FHOD3: variants seen among roughly 807,000 people sequenced by gnomAD.
The protein encoded by FHOD3 is FH1/FH2 domain-containing protein 3.
In FHOD3, 90 loss-of-function variants were observed where a neutral mutation model predicts 173.0. That is an observed-to-expected ratio of 0.52 (90% CI 0.44 to 0.62). The LOEUF is 0.62. FHOD3 is among the 20% of genes least tolerant of loss of function. The probability of loss-of-function intolerance (pLI) is 0.00; values close to 1 mark genes in which losing one functional copy is unlikely to be tolerated. For missense variants in FHOD3, 1,945 were observed against 2,034.7 expected, an observed-to-expected ratio of 0.96 and a Z score of 0.85; for synonymous variants, 828 against 823.0, an observed-to-expected ratio of 1.01 and a Z score of -0.10.
Position 36,504,722 on chromosome 18 carries a change from A to G in FHOD3, c.405+2723A>G, listed in dbSNP as rs2055212049. On this transcript the variant is annotated intron_variant, in intron 4 of 28. Coordinates refer to ENST00000590592, the MANE Select transcript of FHOD3 (RefSeq NM_001281740.3). Reference sequence around the variant, plus strand: ...ACTAACCTGCACATTGTGCACATGTACCCTAAAACTTATAGTAATAATAAT... The same window carrying G: ...ACTAACCTGCACATTGTGCACATGTGCCCTAAAACTTATAGTAATAATAAT... Among the ~76,000 whole-genome samples the G allele has an allele frequency of 2.6e-5, 4 of 152,014 alleles. No homozygotes were observed. The South Asian group carries it at 8.3e-4, about 32-fold the overall frequency.
At chr18:36,734,536 A>C (rs1183041324) in intron 20 of FHOD3, among the ~76,000 whole-genome samples, 4 of 151,948 alleles carry the variant, frequency 2.6e-5, no homozygotes, top group African/African-American at 9.7e-5. Context: ...TGAAGACTCC[A>C]GTCGAAACCC....
At chr18:36,309,389 G>T (rs541383254) in intron 1 of FHOD3, among the ~76,000 whole-genome samples, 1 of 152,316 alleles carries the variant, frequency 6.6e-6, no homozygotes, top group South Asian at 2.1e-4. Context: ...GAAAGGAGTG[G>T]TGGCTGCAGA....
In FHOD3 at chr18:36,625,730, GTGCGAGATC is replaced by G; in HGVS notation, c.1182_1190del (p.Asp395_Arg397del). Reference sequence around the variant, plus strand: ...AGCTCCCAGCTTCAAGCCCAACCAAGTGCGAGATCTGCGTGAAAAGTAAGCATTAACTTG... The same window carrying G: ...AGCTCCCAGCTTCAAGCCCAACCAAGTGCGTGAAAAGTAAGCATTAACTTG... On this transcript the variant is annotated inframe_deletion, in exon 10 of 29. Coordinates refer to ENST00000590592, the MANE Select transcript of FHOD3 (RefSeq NM_001281740.3). The G allele has an allele frequency of 6.2e-7, 1 of 1,608,562 alleles. No individual in the cohort carries two copies. The highest frequency in any genetic ancestry group is 1.7e-4 in the Middle Eastern group (1 of 6,036).
intron 28 of FHOD3, chr18:36,779,127 A>G (rs1338798556): frequency 5.5e-6 from 2 of 366,748 alleles, no homozygotes; most frequent in African/African-American, 4.1e-5. Flanking sequence ...TCTGCAGTTC[A>G]CCCCCTTCTC....
At chr18:36,674,763 G>A (rs1163973404) in intron 14 of FHOD3, among the ~76,000 whole-genome samples, 2 of 152,056 alleles carry the variant, frequency 1.3e-5, no homozygotes, top group Non-Finnish European at 2.9e-5. Flanking sequence ...GGGCAGCTCC[G>A]AGACTTCACA....
intron 16 of FHOD3, among the ~76,000 whole-genome samples, chr18:36,691,788 G>T (rs901766163): frequency 1.3e-5 from 2 of 152,220 alleles, no homozygotes; most frequent in South Asian, 4.1e-4. Flanking sequence ...GTGCCACTCT[G>T]CAGGCTTCTC....
chr18:36,732,389 A>C lies in FHOD3; in HGVS notation c.3576+1585A>C, dbSNP rs1287101539. On this transcript the variant is annotated intron_variant, in intron 20 of 28. Transcript: ENST00000590592. ...CTCAAGTAGCTCTACTCTGAGAAAC[A>C]TACACCCCCTGTTCCAGGAACAGGT... Among the ~76,000 whole-genome samples, 8 of 152,314 alleles carry C rather than the reference A, an allele frequency of 5.3e-5. No homozygotes were observed. In the East Asian group the frequency reaches 1.5e-3, roughly 29 times the overall value.
At chr18:36,481,831 C>T (rs577777355) in intron 3 of FHOD3, among the ~76,000 whole-genome samples, 6 of 152,018 alleles carry the variant, frequency 3.9e-5, no homozygotes, top group Non-Finnish European at 5.9e-5. Flanking sequence ...AAAGTCTTTG[C>T]ACTATTGAAT....
chr18:36,569,657 C>T (rs983297351), intron 5 of FHOD3, among the ~76,000 whole-genome samples: 17 of 152,208 alleles, frequency 1.1e-4, no homozygotes, highest in African/African-American at 3.8e-4. Flanking sequence ...ATGCATAAAA[C>T]ATTCACCAAT....
intron 4 of FHOD3, among the ~76,000 whole-genome samples, chr18:36,507,635 C>T (rs1277586667): frequency 6.6e-6 from 1 of 152,176 alleles, no homozygotes; most frequent in Non-Finnish European, 1.5e-5. Context: ...GAATTGTCTT[C>T]TAGAAGATGT....
At chr18:36,485,593 G>A (rs888887310) in intron 3 of FHOD3, among the ~76,000 whole-genome samples, 3 of 152,230 alleles carry the variant, frequency 2.0e-5, no homozygotes, top group African/African-American at 7.2e-5. Context: ...TGGAGCTTGT[G>A]AGAAGAGCGC....
rs139412012 is a variant in FHOD3 at position 36,590,206 on chromosome 18, A to G, written c.607-4581A>G. ...TTTATTATAAAATGTGTCTAACATA[A>G]GCGCAAGGGGCACCAAGGGTGGATT... On this transcript the variant is annotated intron_variant, in intron 6 of 28. Coordinates refer to ENST00000590592, the MANE Select transcript of FHOD3 (RefSeq NM_001281740.3). Among the ~76,000 whole-genome samples, 880 of 151,760 alleles carry G rather than the reference A, an allele frequency of 5.8e-3. 40 individuals carry two copies. Among genetic ancestry groups the G allele is most frequent in the Admixed American group, 0.053 (803 of 15,288 alleles).
chr18:36,653,064 T>A lies in FHOD3; in HGVS notation c.1646+135T>A, dbSNP rs560817029. 3.3e-6 allele frequency: 4 copies of A among 1,216,290 alleles called. No individual in the cohort carries two copies. The African/African-American group carries it at 6.1e-5, about 19-fold the overall frequency. The allele number at this position is 1,216,290 out of a possible 1,614,324, so 75.3% of individuals were successfully genotyped here. ...GCCCAAGCAGGGAGCAGTTGTGGCA[T>A]AAACTTAAGTTGCTGACCCCTGACT... On this transcript the variant is annotated intron_variant, in intron 12 of 28. Coordinates refer to ENST00000590592, the MANE Select transcript of FHOD3 (RefSeq NM_001281740.3).
chr18:36,749,017 G>T lies in FHOD3; in HGVS notation c.4232+1882G>T, dbSNP rs1044886341. The stretch of plus-strand genomic sequence containing the variant: ...GACCCTATTCAGGGCCTTACAGCTG[G>T]TAACCAGAGGGATCATCTTAGTCAT... On this transcript the variant is annotated intron_variant, in intron 24 of 28. Transcript: ENST00000590592. Among the ~76,000 whole-genome samples, 3 of 151,914 alleles carry T rather than the reference G, an allele frequency of 2.0e-5. No individual in the cohort carries two copies. In the South Asian group the frequency reaches 6.2e-4, roughly 32 times the overall value.
chr18:36,482,137 A>C (rs2053935113), intron 3 of FHOD3, among the ~76,000 whole-genome samples: 1 of 152,164 alleles, frequency 6.6e-6, no homozygotes, highest in African/African-American at 2.4e-5. Context: ...TGGTTCTTTC[A>C]TTCACCCTAC....
chr18:36,603,857 T>C (rs2148505708), intron 8 of FHOD3, among the ~76,000 whole-genome samples: 1 of 152,322 alleles, frequency 6.6e-6, no homozygotes, highest in African/African-American at 2.4e-5. Flanking sequence ...TATGAAGTTT[T>C]ACTCTAAGAA....
rs368307466 is a variant in FHOD3 at position 36,328,549 on chromosome 18, G to A, written c.166-26990G>A. On this transcript the variant is annotated intron_variant, in intron 1 of 28. Transcript: ENST00000590592. ...GGGCTTACTGGGGGCAGTCACAGGG[G>A]AGTTTTGAGCAGCAGAGTGTCCTGA... Among the ~76,000 whole-genome samples, 315 of 152,278 alleles carry A rather than the reference G, an allele frequency of 2.1e-3. 2 individuals carry two copies. Among genetic ancestry groups the A allele is most frequent in the African/African-American group, 7.2e-3 (299 of 41,538 alleles).
At chr18:36,681,775 A>G (rs1379923264) in intron 15 of FHOD3, among the ~76,000 whole-genome samples, 2 of 152,186 alleles carry the variant, frequency 1.3e-5, no homozygotes, top group Admixed American at 1.3e-4. Context: ...CAGGAAGCAC[A>G]GTCAGCCAAA....
At chr18:36,584,803 A>G (rs2058972012) in intron 6 of FHOD3, among the ~76,000 whole-genome samples, 1 of 152,222 alleles carries the variant, frequency 6.6e-6, no homozygotes, top group African/African-American at 2.4e-5. Context: ...TACTGGTATA[A>G]TATGGAAATC....
Sources: allele counts gnomAD v4.1 joint callset (sites outside exome capture counted in the v4.1 genomes callset), GRCh38; gene constraint gnomAD v4.1.1; transcripts MANE v1.5; gene names NCBI Gene and HGNC (gene_info 2026-07-23, HGNC 2026-07-21).